Variants in ANKFN1 observed in about 807,000 individuals in gnomAD.
ANKFN1 encodes ankyrin repeat and fibronectin type III domain containing 1, also known as ankyrin repeat and fibronectin type-III domain-containing protein 1.
In ANKFN1, 74 loss-of-function variants were observed where a neutral mutation model predicts 108.7. The ratio of observed to expected loss-of-function variants is 0.68; its 90% CI spans 0.56 to 0.83. The LOEUF (loss-of-function observed/expected upper bound fraction) is 0.83. Among genes scored for constraint, ANKFN1 ranks in the 40% least tolerant of loss-of-function variants. The pLI, the probability that ANKFN1 is intolerant of heterozygous loss-of-function variation, is 0.00. For missense variants in ANKFN1, 1,505 were observed against 1,382.3 expected, an observed-to-expected ratio of 1.09 and a Z score of -1.41; for synonymous variants, 547 against 516.2, an observed-to-expected ratio of 1.06 and a Z score of -0.81.
intron 18 of ANKFN1, among the ~76,000 whole-genome samples, chr17:56,488,959 G>A (rs541880466): frequency 6.6e-6 from 1 of 152,306 alleles, no homozygotes; most frequent in South Asian, 2.1e-4. Context: ...GCTGTGCTGG[G>A]CACTTTATAT....
At chr17:56,090,124 C>G (rs987827047) in intron 4 of ANKFN1, among the ~76,000 whole-genome samples, 3 of 151,046 alleles carry the variant, frequency 2.0e-5, no homozygotes, top group Non-Finnish European at 4.4e-5. Flanking sequence ...TTAAGCATGA[C>G]GAGGTGGGAG....
intron 9 of ANKFN1, 102 bp from the exon 10 acceptor site, chr17:56,442,741 T>A: frequency 1.0e-6 from 1 of 990,224 alleles, no homozygotes; most frequent in Non-Finnish European, 1.5e-6. Context: ...TCCAAAGAGA[T>A]GAAGGAGTTA....
intron 4 of ANKFN1, among the ~76,000 whole-genome samples, chr17:56,140,559 A>T (rs1907858367): frequency 6.6e-6 from 1 of 152,086 alleles, no homozygotes; most frequent in African/African-American, 2.4e-5. Context: ...CCCTTCCATG[A>T]TGTTTTGAAT....
chr17:56,256,045 G>A lies in ANKFN1; in HGVS notation c.53+28088G>A, dbSNP rs138012046. 5.2e-3 allele frequency among the ~76,000 whole-genome samples: 790 copies of A among 152,212 alleles called. 8 individuals are homozygous for A. The highest frequency in any genetic ancestry group is 0.018 in the African/African-American group (756 of 41,528). On this transcript the variant is annotated intron_variant, in intron 3 of 20. Coordinates refer to ENST00000682825, the MANE Select transcript of ANKFN1 (RefSeq NM_001370326.1). The stretch of plus-strand genomic sequence containing the variant: ...AATAAATAAATAAAATATAGAGATA[G>A]TAATTTTGCCTGAAGAAAGAATGTA...
At chr17:56,119,030 CAG>C (rs1172840989) in intron 4 of ANKFN1, among the ~76,000 whole-genome samples, 4 of 151,852 alleles carry the variant, frequency 2.6e-5, no homozygotes, top group Non-Finnish European at 5.9e-5. Flanking sequence ...GGGTATAAGA[CAG>C]AAAAAAATAT....
rs1264426052 is a variant in ANKFN1 at position 56,189,314 on chromosome 17, G to T, written c.-70-23284G>T. The stretch of plus-strand genomic sequence containing the variant: ...GCCTCCCAAGTAGCTGGGACTACAG[G>T]CGCCCGCCACTACGCCTGGCTAATT... On this transcript the variant is annotated intron_variant, in intron 1 of 20. Coordinates refer to ENST00000682825, the MANE Select transcript of ANKFN1 (RefSeq NM_001370326.1). 2.0e-5 allele frequency among the ~76,000 whole-genome samples: 3 copies of T among 147,478 alleles called. 1 individual carries two copies. The East Asian group carries it at 6.0e-4, about 30-fold the overall frequency.
intron 1 of ANKFN1, among the ~76,000 whole-genome samples, chr17:56,210,061 CATAG>C (rs57680665): frequency 0.1 from 15,372 of 148,022 alleles, 827 homozygotes; most frequent in East Asian, 0.15. Context: ...TAGATAGATA[CATAG>C]ATAGATAGAT....
chr17:56,214,665 A>G (rs1477317583), intron 2 of ANKFN1, among the ~76,000 whole-genome samples: 3 of 151,926 alleles, frequency 2.0e-5, no homozygotes, highest in Non-Finnish European at 4.4e-5. Flanking sequence ...CACTCCTTCA[A>G]CTCTGCAAAA....
chr17:56,467,794 G>GAAAAAGAA (rs1568026355), intron 15 of ANKFN1, among the ~76,000 whole-genome samples: 1 of 15,926 alleles, frequency 6.3e-5, no homozygotes, highest in African/African-American at 2.6e-4. Context: ...AAAGAAAGAA[G>GAAAAAGAA]AAAGAAAGAA....
At chr17:56,378,783 G>A (rs971464606) in intron 8 of ANKFN1, among the ~76,000 whole-genome samples, 2 of 152,124 alleles carry the variant, frequency 1.3e-5, no homozygotes, top group Non-Finnish European at 2.9e-5. Flanking sequence ...TGAAAGTGGG[G>A]TTAGTGATTA....
rs76455403 is a variant in ANKFN1 at position 56,329,909 on chromosome 17, G to A, written c.188+3554G>A. Among the ~76,000 whole-genome samples the A allele has an allele frequency of 2.7e-4, 41 of 152,238 alleles. No individual in the cohort carries two copies. In the East Asian group the frequency reaches 6.2e-3, roughly 23 times the overall value. Reference sequence around the variant, plus strand: ...CCGCCATGTGAAGCTATAGCAAGAGGGTTCTGTGTTTGAAGCAGAAAGTCA... The same window carrying A: ...CCGCCATGTGAAGCTATAGCAAGAGAGTTCTGTGTTTGAAGCAGAAAGTCA... On this transcript the variant is annotated intron_variant, in intron 4 of 20. Coordinates refer to ENST00000682825, the MANE Select transcript of ANKFN1 (RefSeq NM_001370326.1).
chr17:56,315,415 G>C (rs749933393), intron 3 of ANKFN1, among the ~76,000 whole-genome samples: 2 of 152,202 alleles, frequency 1.3e-5, no homozygotes, highest in Non-Finnish European at 2.9e-5. Context: ...TGACAAATGC[G>C]TGAAACACTG....
chr17:56,215,432 G>C (rs962783856), intron 2 of ANKFN1, among the ~76,000 whole-genome samples: 2 of 152,216 alleles, frequency 1.3e-5, no homozygotes, highest in African/African-American at 4.8e-5. Context: ...ACACTGAGAA[G>C]GCTGAGACAG....
intron 4 of ANKFN1, among the ~76,000 whole-genome samples, chr17:56,134,832 C>A (rs1035716845): frequency 9.9e-5 from 15 of 152,164 alleles, no homozygotes; most frequent in Admixed American, 2.0e-4. Context: ...ATTCTTTCTA[C>A]CTCCATCTCA....
chr17:56,309,973 A>T (rs2144428945), intron 3 of ANKFN1, among the ~76,000 whole-genome samples: 1 of 152,278 alleles, frequency 6.6e-6, no homozygotes, highest in South Asian at 2.1e-4. Flanking sequence ...ACTACTCCTG[A>T]CTTTCTGATG....
intron 1 of ANKFN1, among the ~76,000 whole-genome samples, chr17:56,205,562 C>G (rs1398579605): frequency 6.6e-6 from 1 of 152,170 alleles, no homozygotes; most frequent in African/African-American, 2.4e-5. Context: ...TGTTTGAATT[C>G]ATTTGACAAT....
chr17:56,429,530 C>A (rs1316749634), intron 8 of ANKFN1, among the ~76,000 whole-genome samples: 3 of 152,198 alleles, frequency 2.0e-5, no homozygotes, highest in African/African-American at 7.2e-5. Context: ...TTTTCTTCAA[C>A]ATAAAAACCA....
In ANKFN1 at chr17:56,055,568, T is replaced by TATATATATATATATATATAC. The variant is rs1311240128; in HGVS notation, c.288+9262_288+9263insCATATATATATATATATATA. Among the ~76,000 whole-genome samples, 40 of 96,742 alleles carry TATATATATATATATATATAC rather than the reference T, an allele frequency of 4.1e-4. 2 individuals carry two copies. Among genetic ancestry groups the TATATATATATATATATATAC allele is most frequent in the African/African-American group, 2.5e-3 (38 of 15,254 alleles). 63.5% of individuals were successfully genotyped at this position (96,742 alleles called of 152,430 possible). A position where few individuals can be genotyped will look rare whatever the true frequency, so the allele number is the denominator to read the frequency against. ...TATGTGTGTGTGTGGTATATATACA[T>TATATATATATATATATATAC]ATATATATATATATATATATGTATA... On this transcript the variant is annotated intron_variant, in intron 4 of 12. Coordinates refer to the ANKFN1 transcript ENST00000635860.
intron 8 of ANKFN1, among the ~76,000 whole-genome samples, chr17:56,403,781 A>G (rs1167953705): frequency 6.6e-6 from 1 of 151,806 alleles, no homozygotes; most frequent in Non-Finnish European, 1.5e-5. Flanking sequence ...TGCTTTAAAG[A>G]GCTTCTGTTT....
Sources: allele counts gnomAD v4.1 joint callset (sites outside exome capture counted in the v4.1 genomes callset), GRCh38; gene constraint gnomAD v4.1.1; transcripts MANE v1.5; gene names NCBI Gene and HGNC (gene_info 2026-07-23, HGNC 2026-07-21).